Variants in TTN observed in about 807,000 individuals in gnomAD.
TTN encodes the protein titin.
Under a neutral mutation model 3,223.0 loss-of-function variants are expected in TTN, and 1,525 were observed. The observed-to-expected ratio is 0.47, with a 90% CI of 0.45 to 0.49. The LOEUF (loss-of-function observed/expected upper bound fraction) is 0.49, where lower values mean the gene tolerates loss of function less well. TTN is among the 20% of genes least tolerant of loss of function. TTN has a pLI of 0.00. For synonymous variants in TTN, 14,094 were observed against 15,161.0 expected (o/e 0.93, Z 5.17); for missense variants, 40,786 against 43,424.0 (o/e 0.94, Z 5.40).
Position 178,756,465 on chromosome 2 carries a change from C to T in TTN, c.11011G>A (p.Val3671Ile). Residue 3671 changes from valine (V) to isoleucine (I), a missense_variant, in exon 46 of 363, where the codon GTA becomes ATA. Val to Ile is a conservative substitution (Grantham distance 29). Transcript: ENST00000589042. ...AATTGAGCCGTGTCACCGCACTTTA[C>T]AGTGACGTCCTGAAGATGCAGGAAA... The part of the protein sequence containing the change: ...KIFLHLQDVT[V>I]KCGDTAQFLC... 6.2e-7 allele frequency: 1 copy of T among 1,613,808 alleles called. No individual in the cohort carries two copies. The highest frequency in any genetic ancestry group is 1.1e-5 in the South Asian group (1 of 91,086).
Position 178,597,582 on chromosome 2 carries a change from T to G in TTN, c.57500A>C (p.Asn19167Thr). ...TGTCTTCTTTCTTTCTCCGGCTTCA[T>G]TTTTGGCAAGAAGAGAATAGACGCC... The part of the protein sequence containing the change: ...HQGVYSLLAK[N>T]EAGERKKTII... The change falls in exon 294 of 363, where the codon AAT becomes ACT. Residue 19167 changes from asparagine to threonine, a missense_variant. Asn to Thr is a moderately conservative substitution (Grantham distance 65). Transcript: ENST00000589042. 1.9e-6 allele frequency: 3 copies of G among 1,612,836 alleles called. No individual in the cohort carries two copies. The highest frequency in any genetic ancestry group is 2.5e-6 in the Non-Finnish European group (3 of 1,179,452).
chr2:178,571,715 A>G lies in TTN; in HGVS notation c.74417T>C (p.Leu24806Pro). Residue 24806 changes from leucine (L) to proline (P), a missense_variant, in exon 326 of 363, where the codon CTT becomes CCT. Transcript: ENST00000589042. ...TCCAGTTGGAGGCCCTGGTTTGTCAAGAACGATAACATTAAGGGTTTCAAT... is the reference window on the plus strand; with the variant it reads ...TCCAGTTGGAGGCCCTGGTTTGTCAGGAACGATAACATTAAGGGTTTCAAT... ...EAIETLNVIV[L>P]DKPGPPTGPV... is the part of the protein sequence containing the mutation. The G allele has an allele frequency of 6.2e-7, 1 of 1,613,542 alleles. No individual in the cohort carries two copies. Among genetic ancestry groups the G allele is most frequent in the Non-Finnish European group, 8.5e-7 (1 of 1,179,612 alleles).
In TTN at chr2:178,545,989, C is replaced by T. The variant is rs1553521108; in HGVS notation, c.95247G>A (p.Glu31749=). ...EITHYIVERR[E]TSRLNWVIVE... is the part of the protein sequence containing the mutation. ...CAATCACCCAGTTGAGCCTGCTAGTCTCGCGTCTTTCCACGATGTAGTGAG... is the reference window on the plus strand; with the variant it reads ...CAATCACCCAGTTGAGCCTGCTAGTTTCGCGTCTTTCCACGATGTAGTGAG... Residue 31749 remains glutamate (E), a synonymous_variant, in exon 343 of 363, where the codon GAG becomes GAA. Transcript: ENST00000589042. The T allele has an allele frequency of 6.2e-7, 1 of 1,613,812 alleles. No individual in the cohort carries two copies. The highest frequency in any genetic ancestry group is 8.5e-7 in the Non-Finnish European group (1 of 1,179,786).
intron 326 of TTN, chr2:178,558,853 G>T: frequency 1.9e-6 from 1 of 514,754 alleles, no homozygotes; most frequent in Non-Finnish European, 3.3e-6. Flanking sequence ...CCAAATTAAG[G>T]GTAAAATGAC....
rs750605687 is a variant in TTN, at chr2:178,579,936, T to C, written c.67348+3A>G. On this transcript the variant is annotated splice_donor_region_variant and intron_variant, in intron 318 of 362. Coordinates refer to ENST00000589042, the MANE Select transcript of TTN (RefSeq NM_001267550.2). ...ATGATGGGATGATGGTTCATTTGCT[T>C]ACGGGAAGCTTTGACAGCATCACGA... The C allele has an allele frequency of 3.1e-6, 5 of 1,613,018 alleles. No individual in the cohort carries two copies. The East Asian group carries it at 1.1e-4, about 36-fold the overall frequency.
At chr2:178,694,248 C>T (rs1018318139) in intron 117 of TTN, among the ~76,000 whole-genome samples, 1 of 152,102 alleles carries the variant, frequency 6.6e-6, no homozygotes, top group Non-Finnish European at 1.5e-5. Context: ...CTTCTTCACA[C>T]ACAATGTTGT....
At chr2:178,546,963 GTAA>G (rs1438391266) in intron 340 of TTN, 37 bp downstream of exon 340, 1 of 1,586,860 alleles carries the variant, frequency 6.3e-7, no homozygotes, top group Non-Finnish European at 8.6e-7. Context: ...ACTAGAATCA[GTAA>G]TAATAAACAA....
rs770858545 is a variant in TTN, at chr2:178,601,802, T to C, written c.55303-15A>G. 8 of 1,601,498 alleles carry C rather than the reference T, an allele frequency of 5.0e-6. No homozygotes were observed. Among genetic ancestry groups the C allele is most frequent in the Non-Finnish European group, 6.8e-6 (8 of 1,175,386 alleles). ...GCAGTCTCCAGCTGTACAAAGAAAA[T>C]AGTAGTCATACATTGAATGAAATCA... On this transcript the variant is annotated splice_polypyrimidine_tract_variant and intron_variant, in intron 285 of 362. Transcript: ENST00000589042.
intron 83 of TTN, 79 bp from the exon 84 acceptor site, chr2:178,719,052 G>C: frequency 1.3e-6 from 2 of 1,520,618 alleles, no homozygotes; most frequent in African/African-American, 1.4e-5. Flanking sequence ...CTTAAAAAAA[G>C]GGAGCTAAGA....
chr2:178,722,934 G>A lies in TTN; in HGVS notation c.21965C>T (p.Pro7322Leu), dbSNP rs763511838. 5.6e-6 allele frequency: 9 copies of A among 1,607,948 alleles called. No homozygotes were observed. Among genetic ancestry groups the A allele is most frequent in the South Asian group, 1.1e-5 (1 of 90,038 alleles). The change falls in exon 76 of 363, where the codon CCG becomes CTG. Residue 7322 changes from proline to leucine, a missense_variant. By Grantham distance (98) the Pro-to-Leu change is moderately conservative. Coordinates refer to ENST00000589042, the MANE Select transcript of TTN (RefSeq NM_001267550.2). ...TTCCAGTTCCGTAACAAAATAAGGC[G>A]GTTCTAAGGAAGAAAGGCTCACAGT... ...VCGALVSTLE[P>L]PYFVTELEPL...
intron 360 of TTN, 40 bp downstream of exon 360, chr2:178,528,488 T>G (rs749568438): frequency 6.3e-7 from 1 of 1,596,238 alleles, no homozygotes; most frequent in African/African-American, 1.4e-5. Context: ...GACATGGTAT[T>G]TTAGTTTTTC....
intron 49 of TTN, 111 bp from the exon 50 acceptor site, chr2:178,736,185 C>A: frequency 3.1e-6 from 3 of 975,840 alleles, no homozygotes; most frequent in East Asian, 5.2e-5. Flanking sequence ...TAGACATGAG[C>A]CATAATTTAA....
rs775097194 is a variant in TTN, at chr2:178,785,688, G to A, written c.2425C>T (p.Pro809Ser). Reference protein sequence around the residue: ...TERLVHVDKRPRTASPHFTVS... With the variant: ...TERLVHVDKRSRTASPHFTVS... ...GTAAAGTGAGGGCTAGCTGTGCGGG[G>A]GCGTTTATCCACATGGACTAATCTT... is the stretch of plus-strand genomic sequence containing the variant. Residue 809 changes from proline (P) to serine (S), a missense_variant, in exon 15 of 363, where the codon CCC becomes TCC. By Grantham distance (74) the Pro-to-Ser change is moderately conservative. Transcript: ENST00000589042. 2.5e-6 allele frequency: 4 copies of A among 1,613,950 alleles called. No homozygotes were observed. The highest frequency in any genetic ancestry group is 2.2e-5 in the East Asian group (1 of 44,880).
At chr2:178,789,093 T>A (rs2093356278) in intron 13 of TTN, among the ~76,000 whole-genome samples, 1 of 152,110 alleles carries the variant, frequency 6.6e-6, no homozygotes, top group South Asian at 2.1e-4. Context: ...TTTAATCAAC[T>A]TCTGGAAGAT....
intron 316 of TTN, chr2:178,580,838 T>C: frequency 1.9e-6 from 1 of 517,332 alleles, no homozygotes; most frequent in Non-Finnish European, 3.4e-6. Context: ...CCGGAGGATC[T>C]GTACCTCCTC....
chr2:178,541,160 G>A (rs1343475262), intron 350 of TTN, 122 bp downstream of exon 350: 2 of 946,010 alleles, frequency 2.1e-6, no homozygotes, highest in Admixed American at 7.1e-5. Context: ...CATTTTGATT[G>A]TGGTGGTGAT....
Position 178,612,449 on chromosome 2 carries a change from GTC to G in TTN, c.50074_50075del (p.Asp16692ArgfsTer25), listed in dbSNP as rs1060500513. On this transcript the variant is annotated frameshift_variant, in exon 266 of 363. Transcript: ENST00000589042. LOFTEE classifies it high-confidence loss of function. ...PITNYIVEKR[D>X]VRRKGWQTVD... ...CTGTTTGCCAGCCTTTTCGCCTGAC[GTC>G]TCTCTTTTCCACAATGTAGTTGGTG... 1 of 1,612,390 alleles carries G rather than the reference GTC, an allele frequency of 6.2e-7. No homozygotes were observed. The highest frequency in any genetic ancestry group is 8.5e-7 in the Non-Finnish European group (1 of 1,179,194).
At chr2:178,637,156 T>G (rs1470628362) in intron 224 of TTN, among the ~76,000 whole-genome samples, 1 of 103,560 alleles carries the variant, frequency 9.7e-6, no homozygotes, top group Non-Finnish European at 1.9e-5. Context: ...GATATATATA[T>G]ATATATATAT....
chr2:178,735,078 C>A, intron 50 of TTN, 90 bp from the exon 51 acceptor site: 1 of 1,359,730 alleles, frequency 7.4e-7, no homozygotes, highest in Middle Eastern at 2.3e-4. Flanking sequence ...CAAAGAGACC[C>A]AACACACATA....
Sources: gnomAD v4.1 joint callset for allele counts (sites outside exome capture counted in the v4.1 genomes callset) on GRCh38, gnomAD v4.1.1 for gene constraint, MANE v1.5 for transcripts, NCBI Gene and HGNC (gene_info 2026-07-23, HGNC 2026-07-21) for gene names.